The following PTPRB variants were observed in gnomAD, a reference collection of about 807,000 sequenced individuals.
PTPRB encodes protein tyrosine phosphatase receptor type B.
PTPRB carries 97 observed loss-of-function variants against 238.1 expected under a neutral mutation model. The ratio of observed to expected loss-of-function variants is 0.41; its 90% CI spans 0.35 to 0.48. PTPRB has a LOEUF of 0.48. Among genes scored for constraint, PTPRB ranks in the 20% least tolerant of loss-of-function variants. The pLI is 0.30. For missense variants in PTPRB, 2,292 were observed against 2,681.9 expected (o/e 0.85, Z 3.21); for synonymous variants, 970 against 995.4 (o/e 0.97, Z 0.48).
intron 3 of PTPRB, among the ~76,000 whole-genome samples, chr12:70,612,831 A>G (rs1427873664): frequency 6.6e-6 from 1 of 152,058 alleles, no homozygotes; most frequent in Non-Finnish European, 1.5e-5. Flanking sequence ...TACAAAAAAT[A>G]CAAAAATTAG....
chr12:70,576,683 A>AGGGGGGGGGGGGGGGG, intron 10 of PTPRB, 38 bp from the exon 11 acceptor site: 1 of 91,066 alleles, frequency 1.1e-5, no homozygotes, highest in Non-Finnish European at 1.9e-5. Flanking sequence ...GGGGGGGGGG[A>AGGGGGGGGGGGGGGGG]AGGGGGATTC....
intron 8 of PTPRB, among the ~76,000 whole-genome samples, chr12:70,588,798 CA>C (rs1394393683): frequency 6.6e-6 from 1 of 151,338 alleles, no homozygotes; most frequent in African/African-American, 2.4e-5. Flanking sequence ...ACTAAAAGAA[CA>C]AAAATTAGCT....
intron 3 of PTPRB, among the ~76,000 whole-genome samples, chr12:70,610,394 C>T (rs942378322): frequency 1.3e-5 from 2 of 151,010 alleles, no homozygotes; most frequent in African/African-American, 4.9e-5. Context: ...CCCCCACCCC[C>T]GCCCCTTTCC....
At position 70,521,545 on chromosome 12, in the gene PTPRB, G is replaced by A. The variant is rs752943656; in HGVS notation, c.6626-34C>T. On this transcript the variant is annotated intron_variant, in intron 33 of 33. Coordinates refer to ENST00000334414, the MANE Select transcript of PTPRB (RefSeq NM_001109754.4). Reference sequence around the variant, plus strand: ...AAGAACACTGTAATTAGAGACTGCCGCAGGGTGTGTCATAATTGTTTACGC... The same window carrying A: ...AAGAACACTGTAATTAGAGACTGCCACAGGGTGTGTCATAATTGTTTACGC... 37 of 1,510,176 alleles carry A rather than the reference G, an allele frequency of 2.5e-5. No individual in the cohort carries two copies. The East Asian group carries it at 2.7e-4, about 11-fold the overall frequency. The allele number at this position is 1,510,176 out of a possible 1,614,324, so 93.5% of individuals were successfully genotyped here.
At chr12:70,578,462 C>G (rs1483197650) in intron 10 of PTPRB, among the ~76,000 whole-genome samples, 1 of 152,024 alleles carries the variant, frequency 6.6e-6, no homozygotes, top group Non-Finnish European at 1.5e-5. Flanking sequence ...ATAATGTGCA[C>G]TCTTCATATG....
chr12:70,614,154 C>T (rs999389910), intron 3 of PTPRB, among the ~76,000 whole-genome samples: 26 of 152,114 alleles, frequency 1.7e-4, no homozygotes, highest in Non-Finnish European at 1.2e-4. Context: ...CACCACAGAC[C>T]TAGGAATCAG....
At chr12:70,548,532 A>G (rs1229581953) in intron 21 of PTPRB, among the ~76,000 whole-genome samples, 2 of 152,216 alleles carry the variant, frequency 1.3e-5, no homozygotes, top group South Asian at 2.1e-4. Context: ...AGCATTGGCT[A>G]TAACAACCTT....
chr12:70,594,378 T>C (rs1204353764), intron 6 of PTPRB, 89 bp downstream of exon 6: 5 of 1,498,436 alleles, frequency 3.3e-6, no homozygotes, highest in Non-Finnish European at 4.6e-6. Context: ...ATTTGTCCTA[T>C]ATTACAGTTA....
intron 3 of PTPRB, among the ~76,000 whole-genome samples, chr12:70,616,342 A>C (rs1304625670): frequency 6.6e-6 from 1 of 152,296 alleles, no homozygotes; most frequent in South Asian, 2.1e-4. Flanking sequence ...TTTCCATAGC[A>C]TCTTCCTCCA....
chr12:70,595,502 G>C (rs1882933828), intron 5 of PTPRB, among the ~76,000 whole-genome samples: 1 of 151,970 alleles, frequency 6.6e-6, no homozygotes, highest in East Asian at 1.9e-4. Flanking sequence ...AAAATGAGGG[G>C]AGAGCAAATG....
At chr12:70,608,981 C>T (rs1195340261) in intron 4 of PTPRB, 88 bp downstream of exon 4, 2 of 1,460,380 alleles carry the variant, frequency 1.4e-6, no homozygotes, top group Non-Finnish European at 1.9e-6. Context: ...TTTTTTGTAT[C>T]CCTGGAACTC....
intron 8 of PTPRB, among the ~76,000 whole-genome samples, chr12:70,588,108 AAAAAAG>A (rs1287390405): frequency 4.3e-4 from 65 of 150,444 alleles, no homozygotes; most frequent in African/African-American, 1.2e-3. Context: ...AAAAAAAAAA[AAAAAAG>A]AAAAGAAAAG....
intron 3 of PTPRB, among the ~76,000 whole-genome samples, chr12:70,611,201 G>A (rs2136550965): frequency 6.6e-6 from 1 of 152,266 alleles, no homozygotes; most frequent in African/African-American, 2.4e-5. Flanking sequence ...ATAAAGCTAT[G>A]TTATTGTCTA....
chr12:70,574,433 G>C (rs1160271292), intron 11 of PTPRB, among the ~76,000 whole-genome samples: 1 of 152,190 alleles, frequency 6.6e-6, no homozygotes, highest in East Asian at 1.9e-4. Context: ...CAGAGTTAAG[G>C]AGAGGAAATT....
At chr12:70,547,309 AC>A (rs1411224656) in intron 21 of PTPRB, among the ~76,000 whole-genome samples, 1 of 152,220 alleles carries the variant, frequency 6.6e-6, no homozygotes, top group African/African-American at 2.4e-5. Context: ...ACAAAGGGAA[AC>A]AAGTAGTCAC....
rs781726035 is a variant in PTPRB, at chr12:70,534,394, C to T, written c.6368+94G>A. On this transcript the variant is annotated intron_variant, in intron 31 of 33. Coordinates refer to ENST00000334414, the MANE Select transcript of PTPRB (RefSeq NM_001109754.4). ...CTGGTTGGTCCAGACAAATCCTCCA[C>T]CCACCAAATTCCCCATGCTTATGTA... The T allele has an allele frequency of 2.1e-6, 3 of 1,416,720 alleles. 1 individual carries two copies. Among genetic ancestry groups the T allele is most frequent in the South Asian group, 1.4e-5 (1 of 72,684 alleles). The allele number at this position is 1,416,720 out of a possible 1,614,324, so 87.8% of individuals were successfully genotyped here. A position where few individuals can be genotyped will look rare whatever the true frequency, so the allele number is the denominator to read the frequency against.
At chr12:70,528,265 A>T (rs1872685877) in intron 32 of PTPRB, among the ~76,000 whole-genome samples, 1 of 152,126 alleles carries the variant, frequency 6.6e-6, no homozygotes, top group Non-Finnish European at 1.5e-5. Context: ...ATGAAGCTGG[A>T]GGAGTAAGTA....
chr12:70,590,046 G>C lies in PTPRB; in HGVS notation c.1968C>G (p.Leu656=). 1.9e-6 allele frequency: 3 copies of C among 1,613,818 alleles called. No homozygotes were observed. The highest frequency in any genetic ancestry group is 2.5e-6 in the Non-Finnish European group (3 of 1,179,830). ...ETQYVMDDTG[L]VPGRQYEVEV... is the part of the protein sequence containing the mutation. ...CCACCTCATACTGTCTTCCCGGTAC[G>C]AGCCCCGTGTCATCCATGACATACT... The change falls in exon 8 of 34, where the codon CTC becomes CTG. Residue 656 remains leucine, a synonymous_variant. Coordinates refer to ENST00000334414, the MANE Select transcript of PTPRB (RefSeq NM_001109754.4).
intron 11 of PTPRB, among the ~76,000 whole-genome samples, chr12:70,575,992 G>A (rs1400761792): frequency 6.6e-6 from 1 of 152,168 alleles, no homozygotes; most frequent in East Asian, 1.9e-4. Flanking sequence ...CACACTGGCT[G>A]TTTAACAAGG....
Sources: gnomAD v4.1 joint callset for allele counts (sites outside exome capture counted in the v4.1 genomes callset) on GRCh38, gnomAD v4.1.1 for gene constraint, MANE v1.5 for transcripts, NCBI Gene and HGNC (gene_info 2026-07-23, HGNC 2026-07-21) for gene names.